PLBD1: variants seen among roughly 807,000 people sequenced by gnomAD.
PLBD1 encodes lysosomal leucine aminopeptidase.
PLBD1 carries 60 observed loss-of-function variants against 63.0 expected under a neutral mutation model. The observed-to-expected ratio is 0.95, with a 90% CI of 0.77 to 1.18. PLBD1 has a LOEUF of 1.18. Ranked by LOEUF, PLBD1 falls within the 50% of genes most tolerant of loss-of-function variation. The probability of loss-of-function intolerance (pLI) is 0.00; values close to 1 mark genes in which losing one functional copy is unlikely to be tolerated. For synonymous variants in PLBD1, 262 were observed against 248.0 expected, an observed-to-expected ratio of 1.06 and a Z score of -0.53; for missense variants, 598 against 677.9, an observed-to-expected ratio of 0.88 and a Z score of 1.31.
intron 6 of PLBD1, among the ~76,000 whole-genome samples, chr12:14,520,785 A>G (rs1455288858): frequency 6.6e-6 from 1 of 152,064 alleles, no homozygotes; most frequent in Non-Finnish European, 1.5e-5. Flanking sequence ...GAGCAGGAGA[A>G]CTCCCAGCAA....
intron 6 of PLBD1, among the ~76,000 whole-genome samples, 160 bp downstream of exon 6, chr12:14,535,499 T>C (rs1945505725): frequency 6.6e-6 from 1 of 152,252 alleles, no homozygotes; most frequent in Admixed American, 6.5e-5. Flanking sequence ...TAAAAGTATT[T>C]GAGCTATATT....
At position 14,506,152 on chromosome 12, in the gene PLBD1, A is replaced by G; in HGVS notation, c.1479+10T>C. ...GTGGGAATTAAATTCAAAAGCCAATAGCATGTTACCTTTGTGTCATAACAA... is the reference window on the plus strand; with the variant it reads ...GTGGGAATTAAATTCAAAAGCCAATGGCATGTTACCTTTGTGTCATAACAA... On this transcript the variant is annotated intron_variant, in intron 10 of 10. Transcript: ENST00000240617. 1 of 1,576,296 alleles carries G rather than the reference A, an allele frequency of 6.3e-7. No individual in the cohort carries two copies. Among genetic ancestry groups the G allele is most frequent in the Non-Finnish European group, 8.7e-7 (1 of 1,151,328 alleles).
chr12:14,525,291 A>C (rs957129850), intron 6 of PLBD1, among the ~76,000 whole-genome samples: 2 of 152,026 alleles, frequency 1.3e-5, no homozygotes, highest in Non-Finnish European at 2.9e-5. Context: ...AAATAAAATA[A>C]ACAAAAAATA....
At chr12:14,535,986 C>T in intron 5 of PLBD1, 183 bp from the exon 6 acceptor site, 1 of 560,878 alleles carries the variant, frequency 1.8e-6, no homozygotes, top group South Asian at 2.5e-5. Context: ...ACAGACTCTT[C>T]CTTCTAACAT....
chr12:14,558,784 C>G (rs548241418), intron 1 of PLBD1, among the ~76,000 whole-genome samples: 2 of 152,316 alleles, frequency 1.3e-5, no homozygotes, highest in East Asian at 3.9e-4. Context: ...TATGTTTTCA[C>G]TGTTGCTGGT....
At chr12:14,511,163 C>A in intron 8 of PLBD1, 97 bp downstream of exon 8, 2 of 1,147,430 alleles carry the variant, frequency 1.7e-6, no homozygotes, top group South Asian at 1.5e-5. Flanking sequence ...CCACCATACC[C>A]TCCCCCACCA....
chr12:14,524,240 A>G (rs954158655), intron 6 of PLBD1, among the ~76,000 whole-genome samples: 10 of 152,158 alleles, frequency 6.6e-5, no homozygotes, highest in Admixed American at 6.6e-4. Flanking sequence ...TCTATTGCAC[A>G]GTAGGCTTAC....
chr12:14,564,402 C>A (rs1222895167), intron 1 of PLBD1, among the ~76,000 whole-genome samples: 1 of 152,052 alleles, frequency 6.6e-6, no homozygotes, highest in East Asian at 1.9e-4. Context: ...AGGCAGTGTC[C>A]CAAAATCAGG....
At position 14,516,052 on chromosome 12, in the gene PLBD1, C is replaced by T. The variant is rs570611594; in HGVS notation, c.845-4341G>A. Among the ~76,000 whole-genome samples, 7 of 144,938 alleles carry T rather than the reference C, an allele frequency of 4.8e-5. No homozygotes were observed. In the East Asian group the frequency reaches 6.4e-4, roughly 13 times the overall value. On this transcript the variant is annotated intron_variant, in intron 6 of 10. Coordinates refer to ENST00000240617, the MANE Select transcript of PLBD1 (RefSeq NM_024829.6). The stretch of plus-strand genomic sequence containing the variant: ...ACTCCATCTCAAAAAAAAACAAGGC[C>T]GGGCACGGTGGCTCACGCCTGTAAT...
At chr12:14,559,554 C>G (rs1176421265) in intron 1 of PLBD1, among the ~76,000 whole-genome samples, 1 of 152,038 alleles carries the variant, frequency 6.6e-6, no homozygotes, top group Non-Finnish European at 1.5e-5. Context: ...CTAAATGGCT[C>G]GGAATCTTGG....
At chr12:14,516,995 C>G (rs903080672) in intron 6 of PLBD1, among the ~76,000 whole-genome samples, 1 of 152,054 alleles carries the variant, frequency 6.6e-6, no homozygotes, top group Non-Finnish European at 1.5e-5. Flanking sequence ...GCTGAGATCA[C>G]GCCATTCCAC....
rs1945559360 is a variant in PLBD1, at chr12:14,540,109, TTTA to T, written c.558+652_558+654del. The stretch of plus-strand genomic sequence containing the variant: ...AGAGAGTTATATAATATAAATATTA[TTTA>T]TATATATATATATATATATACTGGC... On this transcript the variant is annotated intron_variant, in intron 4 of 10. Transcript: ENST00000240617. Among the ~76,000 whole-genome samples the T allele has an allele frequency of 3.7e-4, 13 of 35,380 alleles. 1 individual carries two copies. In the East Asian group the frequency reaches 3.7e-3, roughly 10 times the overall value. 23.2% of individuals were successfully genotyped at this position (35,380 alleles called of 152,430 possible). A position where few individuals can be genotyped will look rare whatever the true frequency, so the allele number is the denominator to read the frequency against.
chr12:14,542,226 T>G lies in PLBD1; in HGVS notation c.401A>C (p.Lys134Thr). The G allele has an allele frequency of 2.5e-6, 4 of 1,607,614 alleles. No homozygotes were observed. The highest frequency in any genetic ancestry group is 3.4e-6 in the Non-Finnish European group (4 of 1,174,112). ...QLITKPSIMDKVQDFMEKQDK... is the reference protein window; with the variant it reads ...QLITKPSIMDTVQDFMEKQDK... ...TACGTACTCCATAAAATCCTGCACT[T>G]TATCCATGATGGAAGGTTTCGTGAT... Residue 134 changes from lysine to threonine, a missense_variant, in exon 3 of 11, where the codon AAA becomes ACA. Transcript: ENST00000240617.
chr12:14,533,484 T>G (rs1328024125), intron 6 of PLBD1, among the ~76,000 whole-genome samples: 1 of 152,246 alleles, frequency 6.6e-6, no homozygotes, highest in Non-Finnish European at 1.5e-5. Flanking sequence ...ATTATACGTT[T>G]CATAAGAAAA....
intron 2 of PLBD1, among the ~76,000 whole-genome samples, chr12:14,544,047 T>G (rs1945596722): frequency 6.6e-6 from 1 of 152,212 alleles, no homozygotes; most frequent in African/African-American, 2.4e-5. Flanking sequence ...ATATGCTTCC[T>G]GCTGAAATTC....
At position 14,511,538 on chromosome 12, in the gene PLBD1, C is replaced by T; in HGVS notation, c.1018G>A (p.Ala340Thr). The T allele has an allele frequency of 6.2e-7, 1 of 1,614,206 alleles. No homozygotes were observed. The highest frequency in any genetic ancestry group is 8.5e-7 in the Non-Finnish European group (1 of 1,180,040). The change falls in exon 7 of 11, where the codon GCA becomes ACA. Residue 340 changes from alanine (A) to threonine (T), a missense_variant. Physicochemically the swap from Ala to Thr is moderately conservative, Grantham distance 58. Transcript: ENST00000240617. ...GAGTTGTATTTTGAAAAGATGTCTG[C>T]CCACCTCTTGCCACTATCTGCCATC... is the stretch of plus-strand genomic sequence containing the variant. ...NMMADSGKRWADIFSKYNSGT... is the reference protein window; with the variant it reads ...NMMADSGKRWTDIFSKYNSGT...
At chr12:14,533,894 A>G (rs1010103353) in intron 6 of PLBD1, among the ~76,000 whole-genome samples, 2 of 152,258 alleles carry the variant, frequency 1.3e-5, no homozygotes, top group Non-Finnish European at 2.9e-5. Context: ...CCTTAATCCC[A>G]GCACTTTGGG....
At chr12:14,556,989 C>A (rs1426363365) in intron 1 of PLBD1, among the ~76,000 whole-genome samples, 251 of 76,266 alleles carry the variant, frequency 3.3e-3, no homozygotes, top group Middle Eastern at 8.2e-3. Context: ...AATTCCCTCT[C>A]AAAAAAAAAA....
chr12:14,511,556 C>A lies in PLBD1; in HGVS notation c.1000G>T (p.Asp334Tyr), dbSNP rs1278166864. 6.2e-7 allele frequency: 1 copy of A among 1,614,216 alleles called. No homozygotes were observed. Among genetic ancestry groups the A allele is most frequent in the South Asian group, 1.1e-5 (1 of 91,086 alleles). Residue 334 changes from aspartate to tyrosine, a missense_variant, in exon 7 of 11, where the codon GAT (aspartate) becomes TAT (tyrosine). Coordinates refer to ENST00000240617, the MANE Select transcript of PLBD1 (RefSeq NM_024829.6). ...QRVRVANMMA[D>Y]SGKRWADIFS... is the part of the protein sequence containing the mutation. ...ATGTCTGCCCACCTCTTGCCACTAT[C>A]TGCCATCATATTGGCCACACGGACT... is the stretch of plus-strand genomic sequence containing the variant.
Sources: allele counts gnomAD v4.1 joint callset (sites outside exome capture counted in the v4.1 genomes callset), GRCh38; gene constraint gnomAD v4.1.1; transcripts MANE v1.5; gene names NCBI Gene and HGNC (gene_info 2026-07-23, HGNC 2026-07-21).